GOLGA3: variants seen among roughly 807,000 people sequenced by gnomAD.
GOLGA3 encodes the protein golgin A3, also known as golgin subfamily A member 3.
In GOLGA3, 75 loss-of-function variants were observed where a neutral mutation model predicts 169.4. That is an observed-to-expected ratio of 0.44 (90% CI 0.37 to 0.54). The LOEUF (loss-of-function observed/expected upper bound fraction) is 0.54, where lower values mean the gene tolerates loss of function less well. Among genes scored for constraint, GOLGA3 ranks in the 20% least tolerant of loss-of-function variants. GOLGA3 has a pLI of 0.00. For missense variants in GOLGA3, 1,899 were observed against 1,930.0 expected (o/e 0.98, Z 0.30); for synonymous variants, 824 against 822.4 (o/e 1.00, Z -0.03).
In GOLGA3 at chr12:132,773,244, A is replaced by G. The variant is rs1425018393; in HGVS notation, c.4358T>C (p.Val1453Ala). ...CGTCCACGAGGACAGAGACTCGTGC[A>G]CCGTCAGGGCGTGCTCCTCCATCTG... ...QRQMEEHALT[V>A]HESLSSWTPL... Residue 1453 changes from valine to alanine, a missense_variant, in exon 24 of 24, where the codon GTG (valine) becomes GCG (alanine). Physicochemically the swap from Val to Ala is moderately conservative, Grantham distance 64. Coordinates refer to ENST00000450791, the MANE Select transcript of GOLGA3 (RefSeq NM_001389683.1). 1.3e-6 allele frequency: 2 copies of G among 1,540,322 alleles called. No individual in the cohort carries two copies. The highest frequency in any genetic ancestry group is 1.8e-6 in the Non-Finnish European group (2 of 1,137,958).
At chr12:132,811,809 G>A (rs988112664) in intron 4 of GOLGA3, 17 of 956,918 alleles carry the variant, frequency 1.8e-5, no homozygotes, top group African/African-American at 1.2e-4. Flanking sequence ...AGAAGAACAC[G>A]CTGGTCATTT....
chr12:132,782,926 AAC>A (rs1404017906), intron 16 of GOLGA3, among the ~76,000 whole-genome samples: 2 of 151,962 alleles, frequency 1.3e-5, no homozygotes, highest in African/African-American at 4.8e-5. Context: ...CGAAAACTAA[AAC>A]ACAGCAATGG....
At chr12:132,796,974 G>A (rs537863821) in intron 9 of GOLGA3, among the ~76,000 whole-genome samples, 14 of 152,320 alleles carry the variant, frequency 9.2e-5, no homozygotes, top group South Asian at 4.1e-4. Flanking sequence ...CTCGTGTGGC[G>A]ACAGCTGCCT....
intron 16 of GOLGA3, among the ~76,000 whole-genome samples, chr12:132,783,248 A>C (rs71439320): frequency 4.1e-4 from 62 of 151,638 alleles, no homozygotes; most frequent in Middle Eastern, 3.4e-3. Context: ...ACACCACAGG[A>C]CCGTGCTTGC....
At chr12:132,780,056 TACACACAC>T (rs563509848) in intron 18 of GOLGA3, among the ~76,000 whole-genome samples, 2 of 90,038 alleles carry the variant, frequency 2.2e-5, no homozygotes. Flanking sequence ...CCCGCGCACA[TACACACAC>T]ACACCCCAGG....
At chr12:132,795,180 C>T in intron 11 of GOLGA3, among the ~76,000 whole-genome samples, 1 of 120,534 alleles carries the variant, frequency 8.3e-6, no homozygotes, top group Admixed American at 9.6e-5. Context: ...AGTGAGACTC[C>T]ATCTCAAAAA....
At chr12:132,784,899 T>G (rs1308496303) in intron 15 of GOLGA3, among the ~76,000 whole-genome samples, 1 of 152,090 alleles carries the variant, frequency 6.6e-6, no homozygotes, top group Non-Finnish European at 1.5e-5. Context: ...CACACACACA[T>G]GCTCACACCT....
At chr12:132,800,923 C>T (rs779622706) in intron 8 of GOLGA3, among the ~76,000 whole-genome samples, 22 of 152,146 alleles carry the variant, frequency 1.4e-4, no homozygotes, top group Non-Finnish European at 2.5e-4. Flanking sequence ...CGCACCACTG[C>T]TCTCCAGCCT....
chr12:132,792,254 G>C (rs893712205), intron 11 of GOLGA3, among the ~76,000 whole-genome samples: 1 of 152,212 alleles, frequency 6.6e-6, no homozygotes, highest in African/African-American at 2.4e-5. Flanking sequence ...AGGGAGGTGG[G>C]AGAGGGGATG....
rs554426079 is a variant in GOLGA3 at position 132,822,311 on chromosome 12, C to T, written c.-183G>A. 2.2e-6 allele frequency: 3 copies of T among 1,339,278 alleles called. No individual in the cohort carries two copies. The highest frequency in any genetic ancestry group is 1.5e-5 in the African/African-American group (1 of 64,896). The allele number at this position is 1,339,278 out of a possible 1,614,324, so 83.0% of individuals were successfully genotyped here. A position where few individuals can be genotyped will look rare whatever the true frequency, so the allele number is the denominator to read the frequency against. ...TGTCAAACCAGCTAATATCATGATA[C>T]CTGACAGGAGAGAGAGACAAAATGT... On this transcript the variant is annotated splice_region_variant and 5_prime_UTR_variant, in exon 2 of 24. Transcript: ENST00000450791.
Position 132,770,071 on chromosome 12 carries a change from A to G in GOLGA3, c.*3034T>C, listed in dbSNP as rs2044831041. On this transcript the variant is annotated 3_prime_UTR_variant, in exon 24 of 24. Transcript: ENST00000450791. ...CAACATGGTGGAACTCCACCCCTCT[A>G]AAAATACAAAAATTAGGCTGGTGTG... 6.6e-6 allele frequency: 1 copy of G among 151,978 alleles called. No homozygotes were observed. The highest frequency in any genetic ancestry group is 1.5e-5 in the Non-Finnish European group (1 of 68,014). 9.4% of individuals were successfully genotyped at this position (151,978 alleles called of 1,614,324 possible).
Position 132,808,146 on chromosome 12 carries a change from G to A in GOLGA3, c.923C>T (p.Ser308Phe). Residue 308 changes from serine (S) to phenylalanine (F), a missense_variant, in exon 5 of 24, where the codon TCT becomes TTT. Transcript: ENST00000450791. ...ENTSLAGDSV[S>F]EVDGNDSDSS... Reference sequence around the variant, plus strand: ...GTCGCTGTCATTTCCATCCACCTCAGACACGCTGTCTCCAGCCAGGGAGGT... The same window carrying A: ...GTCGCTGTCATTTCCATCCACCTCAAACACGCTGTCTCCAGCCAGGGAGGT... 6.2e-7 allele frequency: 1 copy of A among 1,611,668 alleles called. No individual in the cohort carries two copies. The highest frequency in any genetic ancestry group is 8.5e-7 in the Non-Finnish European group (1 of 1,178,414).
intron 8 of GOLGA3, among the ~76,000 whole-genome samples, chr12:132,801,191 G>T (rs1239066829): frequency 2.0e-5 from 3 of 152,236 alleles, no homozygotes; most frequent in Non-Finnish European, 2.9e-5. Flanking sequence ...GGCTGTGCCC[G>T]CTAACGAGTG....
chr12:132,791,835 G>C (rs1393640925), intron 11 of GOLGA3, among the ~76,000 whole-genome samples: 1 of 140,574 alleles, frequency 7.1e-6, no homozygotes. Context: ...CTCCAGGAAA[G>C]GACACATCTG....
At chr12:132,823,403 A>G (rs1401303831) in intron 1 of GOLGA3, among the ~76,000 whole-genome samples, 1 of 152,230 alleles carries the variant, frequency 6.6e-6, no homozygotes, top group Non-Finnish European at 1.5e-5. Flanking sequence ...ATTAACCTAC[A>G]TTATGTTCTG....
Position 132,822,100 on chromosome 12 carries a change from C to T in GOLGA3, c.29G>A (p.Gly10Asp), listed in dbSNP as rs1403465920. 1.2e-6 allele frequency: 2 copies of T among 1,607,768 alleles called. 1 individual carries two copies. The highest frequency in any genetic ancestry group is 1.7e-6 in the Non-Finnish European group (2 of 1,177,774). Residue 10 changes from glycine (G) to aspartate (D), a missense_variant, in exon 2 of 24, where the codon GGC (glycine) becomes GAC (aspartate). Physicochemically the swap from Gly to Asp is moderately conservative, Grantham distance 94 (BLOSUM62 -1). Coordinates refer to ENST00000450791, the MANE Select transcript of GOLGA3 (RefSeq NM_001389683.1). MDGASAEQD[G>D]LQEDRSHSGP... ...ACTGTGGGATCTGTCCTCCTGGAGGCCATCTTGCTCGGCCGACGCGCCGTC... is the reference window on the plus strand; with the variant it reads ...ACTGTGGGATCTGTCCTCCTGGAGGTCATCTTGCTCGGCCGACGCGCCGTC...
At chr12:132,779,879 CGT>C (rs35029171) in intron 18 of GOLGA3, among the ~76,000 whole-genome samples, 28,128 of 129,242 alleles carry the variant, frequency 0.22, 3,524 homozygotes, top group South Asian at 0.37. Flanking sequence ...CAGGCACACA[CGT>C]GTGTACAGAC....
In GOLGA3 at chr12:132,801,866, C is replaced by A; in HGVS notation, c.1701G>T (p.Glu567Asp). 5.6e-6 allele frequency: 9 copies of A among 1,605,712 alleles called. No homozygotes were observed. Among genetic ancestry groups the A allele is most frequent in the Non-Finnish European group, 7.6e-6 (9 of 1,179,962 alleles). ...LTSKLKASQA[E>D]ISSLQSVRQW... ...GCCGGACACTCTGCAGGGACGAGAT[C>A]TCCGCCTGCGACGCCTTCAGCTTGC... is the stretch of plus-strand genomic sequence containing the variant. Residue 567 changes from glutamate (E) to aspartate (D), a missense_variant, in exon 8 of 24, where the codon GAG (glutamate) becomes GAT (aspartate). Transcript: ENST00000450791.
intron 18 of GOLGA3, among the ~76,000 whole-genome samples, chr12:132,780,198 C>A (rs888108867): frequency 6.6e-6 from 1 of 150,836 alleles, no homozygotes. Context: ...ACACACCACA[C>A]CCCAGGCACA....
Sources: allele counts gnomAD v4.1 joint callset (sites outside exome capture counted in the v4.1 genomes callset), GRCh38; gene constraint gnomAD v4.1.1; transcripts MANE v1.5; gene names NCBI Gene and HGNC (gene_info 2026-07-23, HGNC 2026-07-21).